The following NLGN1 variants were observed in gnomAD, a reference collection of about 807,000 sequenced individuals.
NLGN1 encodes the protein neuroligin-1.
NLGN1 carries 12 observed loss-of-function variants against 65.5 expected under a neutral mutation model. The observed-to-expected ratio is 0.18, with a 90% CI of 0.12 to 0.30. NLGN1 has a LOEUF of 0.30. Ranked by LOEUF, NLGN1 falls within the 10% of genes least tolerant of loss-of-function variation. The pLI, the probability that NLGN1 is intolerant of heterozygous loss-of-function variation, is 1.00. For missense variants in NLGN1, 750 were observed against 1,007.1 expected (o/e 0.74, Z 3.46); for synonymous variants, 350 against 359.5 (o/e 0.97, Z 0.30).
At chr3:173,473,389 A>G (rs1725624279) in intron 2 of NLGN1, among the ~76,000 whole-genome samples, 1 of 152,226 alleles carries the variant, frequency 6.6e-6, no homozygotes, top group Admixed American at 6.5e-5. Context: ...CATTGGGTTA[A>G]AAGTAGAGAT....
chr3:173,694,014 A>C (rs1765840583), intron 3 of NLGN1, among the ~76,000 whole-genome samples: 1 of 152,142 alleles, frequency 6.6e-6, no homozygotes, highest in South Asian at 2.1e-4. Context: ...AAAGTATAAG[A>C]AAATAATAGG....
At chr3:173,571,540 G>A (rs1463523939) in intron 2 of NLGN1, among the ~76,000 whole-genome samples, 2 of 152,114 alleles carry the variant, frequency 1.3e-5, no homozygotes, top group Non-Finnish European at 2.9e-5. Flanking sequence ...TTTATCCATA[G>A]TTTTCTAGAT....
intron 2 of NLGN1, among the ~76,000 whole-genome samples, chr3:173,566,033 G>A (rs1287771812): frequency 2.6e-5 from 4 of 152,196 alleles, no homozygotes; most frequent in South Asian, 2.1e-4. Context: ...TGTAGAGAAA[G>A]AAGGGATGAG....
chr3:174,055,431 G>A (rs753042023), intron 4 of NLGN1, among the ~76,000 whole-genome samples: 1 of 151,906 alleles, frequency 6.6e-6, no homozygotes, highest in East Asian at 1.9e-4. Flanking sequence ...GGCCAAAAGG[G>A]CACCGAATTG....
chr3:173,904,211 A>G (rs1002813013), intron 4 of NLGN1, among the ~76,000 whole-genome samples: 1 of 152,158 alleles, frequency 6.6e-6, no homozygotes, highest in African/African-American at 2.4e-5. Flanking sequence ...TTTAAAATAA[A>G]AGAGGTATGA....
intron 3 of NLGN1, among the ~76,000 whole-genome samples, chr3:173,776,969 C>T (rs1368081056): frequency 6.6e-6 from 1 of 151,850 alleles, no homozygotes; most frequent in Non-Finnish European, 1.5e-5. Context: ...ACTGTGTATA[C>T]CACACAGACA....
In NLGN1 at chr3:173,595,070, C is replaced by A. The variant is rs538090622; in HGVS notation, c.-320-9209C>A. ...AGACATGCCCTGGAGGCATTTTAAC[C>A]ATTGTCCTGGGGATTAACATTTGGC... On this transcript the variant is annotated intron_variant, in intron 2 of 6. Coordinates refer to ENST00000457714, the Ensembl canonical transcript of NLGN1. Among the ~76,000 whole-genome samples, 6 of 152,346 alleles carry A rather than the reference C, an allele frequency of 3.9e-5. No homozygotes were observed. In the East Asian group the frequency reaches 1.2e-3, roughly 29 times the overall value.
At chr3:173,545,091 T>G (rs1427588315) in intron 2 of NLGN1, among the ~76,000 whole-genome samples, 1 of 151,908 alleles carries the variant, frequency 6.6e-6, no homozygotes, top group Non-Finnish European at 1.5e-5. Context: ...TTGTTTTGTT[T>G]GAGATGGAGT....
intron 2 of NLGN1, among the ~76,000 whole-genome samples, chr3:173,435,375 T>G (rs1356186465): frequency 6.6e-6 from 1 of 152,196 alleles, no homozygotes; most frequent in Non-Finnish European, 1.5e-5. Context: ...AAAATTTCTT[T>G]CCCTTTTTCA....
chr3:173,971,258 C>T (rs1371081909), intron 4 of NLGN1, among the ~76,000 whole-genome samples: 2 of 152,000 alleles, frequency 1.3e-5, no homozygotes, highest in Non-Finnish European at 2.9e-5. Flanking sequence ...TACTGATTGC[C>T]AATGAGATGT....
intron 3 of NLGN1, among the ~76,000 whole-genome samples, chr3:173,685,380 T>C (rs1764535685): frequency 6.6e-6 from 1 of 152,224 alleles, no homozygotes; most frequent in African/African-American, 2.4e-5. Flanking sequence ...TAGTATCTTA[T>C]GAAAATTAAG....
chr3:173,396,056 G>C (rs1368900691), upstream of NLGN1, among the ~76,000 whole-genome samples: 3 of 152,036 alleles, frequency 2.0e-5, no homozygotes, highest in African/African-American at 7.2e-5. Flanking sequence ...TCTACAGGTA[G>C]CAGTGGCGGC....
chr3:173,900,230 A>G (rs1737084876), intron 4 of NLGN1, among the ~76,000 whole-genome samples: 1 of 152,114 alleles, frequency 6.6e-6, no homozygotes, highest in Non-Finnish European at 1.5e-5. Context: ...AAAATGTGCC[A>G]AGTTTTATAA....
chr3:174,089,917 A>C (rs1480354186), intron 4 of NLGN1, among the ~76,000 whole-genome samples: 1 of 150,688 alleles, frequency 6.6e-6, no homozygotes, highest in Non-Finnish European at 1.5e-5. Context: ...TTCTTTTAAC[A>C]TATTATTTGG....
chr3:173,620,162 G>A (rs1391301356), intron 3 of NLGN1, among the ~76,000 whole-genome samples: 1 of 152,130 alleles, frequency 6.6e-6, no homozygotes, highest in Non-Finnish European at 1.5e-5. Context: ...TGGAATCCAA[G>A]GATGATAAAC....
chr3:173,951,101 A>T (rs1748117336), intron 4 of NLGN1, among the ~76,000 whole-genome samples: 1 of 151,928 alleles, frequency 6.6e-6, no homozygotes, highest in South Asian at 2.1e-4. Context: ...TCCTGACCTT[A>T]GATGATCCAT....
chr3:173,968,659 C>A (rs1214919382), intron 4 of NLGN1, among the ~76,000 whole-genome samples: 1 of 142,452 alleles, frequency 7.0e-6, no homozygotes, highest in Non-Finnish European at 1.5e-5. Context: ...TCCACCTTCT[C>A]TAACACCCCA....
Position 173,498,558 on chromosome 3 carries a change from G to A in NLGN1, c.-321+63480G>A, listed in dbSNP as rs373837878. ...TAGTAGCATGTTTTATAATCCTCTG[G>A]GTATATACCCAGTAATGGGATGACT... On this transcript the variant is annotated intron_variant, in intron 2 of 6. Coordinates refer to ENST00000457714, the Ensembl canonical transcript of NLGN1. Among the ~76,000 whole-genome samples the A allele has an allele frequency of 4.0e-5, 6 of 151,706 alleles. No homozygotes were observed. In the South Asian group the frequency reaches 1.2e-3, roughly 32 times the overall value.
chr3:173,969,405 G>A (rs1337205761), intron 4 of NLGN1, among the ~76,000 whole-genome samples: 1 of 151,794 alleles, frequency 6.6e-6, no homozygotes, highest in African/African-American at 2.4e-5. Flanking sequence ...GTATTTTATA[G>A]GAAAAAGAAA....
Sources: gnomAD v4.1 joint callset for allele counts (sites outside exome capture counted in the v4.1 genomes callset) on GRCh38, gnomAD v4.1.1 for gene constraint, MANE v1.5 for transcripts, NCBI Gene and HGNC (gene_info 2026-07-23, HGNC 2026-07-21) for gene names.